OTC: variants seen among roughly 807,000 people sequenced by gnomAD.
The protein encoded by OTC is ornithine transcarbamylase.
A neutral mutation model predicts 30.3 loss-of-function variants in OTC; 3 were observed. The ratio of observed to expected loss-of-function variants is 0.10; its 90% CI spans 0.05 to 0.26. OTC has a LOEUF of 0.26. OTC is among the 10% of genes least tolerant of loss of function. The pLI, the probability that OTC is intolerant of heterozygous loss-of-function variation, is 1.00. For synonymous variants in OTC, 111 were observed against 99.7 expected (o/e 1.11, Z -0.67); for missense variants, 194 against 260.3 (o/e 0.75, Z 1.75).
the OTC span, among the ~76,000 whole-genome samples, chrX:38,331,449 T>G: frequency 1.5e-4 from 11 of 75,064 alleles, no homozygotes; most frequent in Admixed American, 4.1e-4. Flanking sequence ...TTTGTTTTTT[T>G]TTTTTGTTTG....
intron 3 of OTC, among the ~76,000 whole-genome samples, chrX:38,375,257 G>T (rs1260599521): frequency 8.9e-6 from 1 of 112,134 alleles, no homozygotes; most frequent in East Asian, 2.8e-4. Context: ...GCAAGGAGAA[G>T]AATGTGTCTG....
rs72554307 is a variant in OTC at position 38,367,331 on chromosome X, C to T, written c.118C>T (p.Arg40Cys). ...PLQNKVQLKGRDLLTLKNFTG... is the reference protein window; with the variant it reads ...PLQNKVQLKGCDLLTLKNFTG... Reference sequence around the variant, plus strand: ...ACAAAATAAAGTGCAGCTGAAGGGCCGTGACCTTCTCACTCTAAAAAACTT... The same window carrying T: ...ACAAAATAAAGTGCAGCTGAAGGGCTGTGACCTTCTCACTCTAAAAAACTT... Residue 40 changes from arginine (R) to cysteine (C), a missense_variant, in exon 2 of 10, where the codon CGT becomes TGT. Coordinates refer to ENST00000039007, the MANE Select transcript of OTC (RefSeq NM_000531.6). 1.4e-5 allele frequency: 17 copies of T among 1,200,513 alleles called. No homozygotes were observed. The highest frequency in any genetic ancestry group is 2.2e-5 in the Admixed American group (1 of 45,966).
At chrX:38,347,482 C>T in the OTC span, among the ~76,000 whole-genome samples, 13 of 112,158 alleles carry the variant, frequency 1.2e-4, no homozygotes, top group African/African-American at 3.9e-4. Context: ...CCACAGAACT[C>T]GGAAGACTTA....
chrX:38,408,931 A>G lies in OTC; in HGVS notation c.773A>G (p.Asn258Ser), dbSNP rs142592280. The G allele has an allele frequency of 4.5e-6, 5 of 1,102,834 alleles. No homozygotes were observed. Among genetic ancestry groups the G allele is most frequent in the Non-Finnish European group, 4.8e-6 (4 of 826,912 alleles). 90.9% of individuals were successfully genotyped at this position (1,102,834 alleles called of 1,213,427 possible). ...NDPLEAAHGG[N>S]VLITDTWISM... ...CCATTGGAAGCAGCGCATGGAGGCA[A>G]TGTATTAATTACAGACACTTGGATA... Residue 258 changes from asparagine to serine, a missense_variant, in exon 8 of 10, where the codon AAT (asparagine) becomes AGT (serine). Transcript: ENST00000039007.
Position 38,421,278 on chromosome X carries a change from T to G in OTC, c.*196T>G. 4.9e-6 allele frequency: 2 copies of G among 412,129 alleles called. No individual in the cohort carries two copies. The highest frequency in any genetic ancestry group is 6.9e-5 in the South Asian group (2 of 29,149). The allele number at this position is 412,129 out of a possible 1,213,427, so 34.0% of individuals were successfully genotyped here. A position where few individuals can be genotyped will look rare whatever the true frequency, so the allele number is the denominator to read the frequency against. The stretch of plus-strand genomic sequence containing the variant: ...GTGCTGATGCACTGTAATACGTGCT[T>G]AACTTTGCTTAAACTCTCTAATTCC... On this transcript the variant is annotated 3_prime_UTR_variant, in exon 10 of 10. Coordinates refer to ENST00000039007, the MANE Select transcript of OTC (RefSeq NM_000531.6).
the OTC span, among the ~76,000 whole-genome samples, chrX:38,330,853 A>G: frequency 0.017 from 1,938 of 111,987 alleles, 39 homozygotes; most frequent in African/African-American, 0.06. Flanking sequence ...TCATCACAGC[A>G]CTTATTATAC....
chrX:38,387,262 T>C (rs2068408556), intron 4 of OTC, among the ~76,000 whole-genome samples: 1 of 112,092 alleles, frequency 8.9e-6, no homozygotes, highest in East Asian at 2.8e-4. Flanking sequence ...TTTCACTCTG[T>C]TGATTGTTTC....
chrX:38,379,464 G>A lies in OTC; in HGVS notation c.299-1878G>A, dbSNP rs138727435. Among the ~76,000 whole-genome samples, 246 of 111,861 alleles carry A rather than the reference G, an allele frequency of 2.2e-3. 1 individual carries two copies. The highest frequency in any genetic ancestry group is 7.1e-3 in the African/African-American group (220 of 30,789). ...ATGTGCCATCATATGATTATGCTCT[G>A]TGAAGAGTCATTGCTAGGGTCAGAA... is the stretch of plus-strand genomic sequence containing the variant. On this transcript the variant is annotated intron_variant, in intron 3 of 9. Transcript: ENST00000039007.
upstream of OTC, among the ~76,000 whole-genome samples, chrX:38,348,308 C>T (rs944951355): frequency 7.1e-5 from 8 of 111,947 alleles, no homozygotes; most frequent in African/African-American, 2.6e-4. Context: ...GGTTTCAAAA[C>T]CCAATGCAAA....
At chrX:38,332,504 T>TTTTATATATATATATATATATA in the OTC span, among the ~76,000 whole-genome samples, 11 of 39,359 alleles carry the variant, frequency 2.8e-4, no homozygotes, top group Non-Finnish European at 4.7e-4. Context: ...GCCCTAGATT[T>TTTTATATATATATATATATATA]TATATATATA....
chrX:38,393,533 G>C (rs781439843), intron 4 of OTC, among the ~76,000 whole-genome samples: 5 of 111,811 alleles, frequency 4.5e-5, no homozygotes, highest in Non-Finnish European at 1.9e-5. Context: ...AATTTTTCCA[G>C]ACTGGAAAGA....
chrX:38,378,689 G>T (rs189118570), intron 3 of OTC, among the ~76,000 whole-genome samples: 1 of 112,460 alleles, frequency 8.9e-6, no homozygotes, highest in Admixed American at 9.4e-5. Flanking sequence ...GCCAGGACTT[G>T]TTGTGTTGTG....
At chrX:38,385,169 T>G (rs1468914979) in intron 4 of OTC, among the ~76,000 whole-genome samples, 1 of 110,701 alleles carries the variant, frequency 9.0e-6, no homozygotes, top group Non-Finnish European at 1.9e-5. Context: ...ACTCAGGAGG[T>G]TGAGGCAGGA....
chrX:38,332,528 A>ATATATATATATATC, the OTC span, among the ~76,000 whole-genome samples: 2 of 90,585 alleles, frequency 2.2e-5, no homozygotes, highest in Non-Finnish European at 4.3e-5. Flanking sequence ...ATATATATAT[A>ATATATATATATATC]TATATCATAT....
intron 6 of OTC, 73 bp downstream of exon 6, chrX:38,403,813 A>T: frequency 9.1e-7 from 1 of 1,096,884 alleles, no homozygotes; most frequent in Non-Finnish European, 1.3e-6. Context: ...CAGTGACAAA[A>T]AAAGCTCTCT....
At chrX:38,382,942 G>T in intron 4 of OTC, among the ~76,000 whole-genome samples, 1 of 112,042 alleles carries the variant, frequency 8.9e-6, no homozygotes, top group East Asian at 2.8e-4. Context: ...AGGATCCCAA[G>T]ATCAAGAGAC....
intron 6 of OTC, among the ~76,000 whole-genome samples, chrX:38,407,524 A>G (rs936565758): frequency 4.5e-5 from 5 of 111,874 alleles, no homozygotes; most frequent in Non-Finnish European, 9.4e-5. Context: ...GGATAATTAC[A>G]GTGTTTGAAC....
At chrX:38,387,441 T>C (rs2068409792) in intron 4 of OTC, among the ~76,000 whole-genome samples, 1 of 112,285 alleles carries the variant, frequency 8.9e-6, no homozygotes, top group Non-Finnish European at 1.9e-5. Context: ...TTCTTCCTTG[T>C]TACAATAATA....
intron 6 of OTC, among the ~76,000 whole-genome samples, chrX:38,407,678 G>A (rs2068522035): frequency 2.7e-5 from 3 of 111,573 alleles, no homozygotes; most frequent in African/African-American, 6.5e-5. Context: ...AAAAGGGCAA[G>A]ATGTGTACAG....
Sources: allele counts gnomAD v4.1 joint callset (sites outside exome capture counted in the v4.1 genomes callset), GRCh38; gene constraint gnomAD v4.1.1; transcripts MANE v1.5; gene names NCBI Gene and HGNC (gene_info 2026-07-23, HGNC 2026-07-21).